Variants in DENND5B observed in about 807,000 individuals in gnomAD.
The protein encoded by DENND5B is DENN domain-containing protein 5B.
Under a neutral mutation model 140.6 loss-of-function variants are expected in DENND5B, and 34 were observed. The observed-to-expected ratio is 0.24, with a 90% confidence interval of 0.18 to 0.32. The LOEUF (loss-of-function observed/expected upper bound fraction) is 0.32, where lower values mean the gene tolerates loss of function less well. Among genes scored for constraint, DENND5B ranks in the 10% least tolerant of loss-of-function variants. DENND5B has a pLI of 1.00. For synonymous variants in DENND5B, 551 were observed against 562.1 expected (o/e 0.98, Z 0.28); for missense variants, 1,142 against 1,560.2 (o/e 0.73, Z 4.52).
chr12:31,521,199 T>C (rs751314261), intron 1 of DENND5B, among the ~76,000 whole-genome samples: 3 of 151,332 alleles, frequency 2.0e-5, no homozygotes, highest in East Asian at 1.9e-4. Flanking sequence ...TCAAAAACAA[T>C]AGAAAAGGTT....
chr12:31,448,291 C>T (rs890317510), intron 5 of DENND5B, among the ~76,000 whole-genome samples: 16 of 152,124 alleles, frequency 1.1e-4, no homozygotes, highest in African/African-American at 2.2e-4. Flanking sequence ...CCTGCCACCA[C>T]GCCCGGCTAA....
At chr12:31,396,995 AAGGCAATATTTAC>A (rs1941510471) in intron 17 of DENND5B, among the ~76,000 whole-genome samples, 1 of 152,184 alleles carries the variant, frequency 6.6e-6, no homozygotes. Context: ...TTTTCCAAAT[AAGGCAATATTTAC>A]AGATTCTAGA....
At chr12:31,415,687 G>C (rs1268727629) in intron 11 of DENND5B, among the ~76,000 whole-genome samples, 1 of 152,042 alleles carries the variant, frequency 6.6e-6, no homozygotes, top group Non-Finnish European at 1.5e-5. Context: ...GGGCTCAAGC[G>C]ATCCTCCCAA....
At chr12:31,549,993 G>A (rs1234708424) in intron 1 of DENND5B, among the ~76,000 whole-genome samples, 3 of 151,580 alleles carry the variant, frequency 2.0e-5, no homozygotes, top group Non-Finnish European at 2.9e-5. Flanking sequence ...GGGATTGTTG[G>A]GTCAAATGGT....
intron 1 of DENND5B, among the ~76,000 whole-genome samples, chr12:31,549,763 T>C (rs559001850): frequency 6.6e-6 from 1 of 152,280 alleles, no homozygotes; most frequent in South Asian, 2.1e-4. Flanking sequence ...GTGTTCTCAC[T>C]ATTCACCTCC....
At chr12:31,406,963 T>A (rs1009348427) in intron 14 of DENND5B, among the ~76,000 whole-genome samples, 2 of 150,426 alleles carry the variant, frequency 1.3e-5, no homozygotes, top group African/African-American at 4.9e-5. Context: ...CACGTCCGGC[T>A]AATTTTTGTA....
At chr12:31,427,445 A>C (rs763002354) in intron 8 of DENND5B, among the ~76,000 whole-genome samples, 25 of 152,018 alleles carry the variant, frequency 1.6e-4, no homozygotes, top group Non-Finnish European at 2.8e-4. Context: ...ATCTCTACTA[A>C]AAATACAAAA....
chr12:31,508,817 C>T (rs1171252150), intron 1 of DENND5B, among the ~76,000 whole-genome samples: 4 of 152,138 alleles, frequency 2.6e-5, no homozygotes, highest in Non-Finnish European at 4.4e-5. Flanking sequence ...AATCACACAT[C>T]ACATATATCA....
intron 1 of DENND5B, among the ~76,000 whole-genome samples, chr12:31,561,671 T>C (rs191483947): frequency 5.3e-5 from 8 of 152,256 alleles, no homozygotes; most frequent in Non-Finnish European, 7.4e-5. Context: ...AAGTGACAAA[T>C]AGAAAACATT....
At chr12:31,399,467 TG>T (rs1408869138) in intron 16 of DENND5B, among the ~76,000 whole-genome samples, 186 bp downstream of exon 16, 1 of 151,738 alleles carries the variant, frequency 6.6e-6, no homozygotes, top group Non-Finnish European at 1.5e-5. Flanking sequence ...TTAGTAGAGA[TG>T]GGGTTTCACC....
At chr12:31,439,704 C>T (rs569063282) in intron 7 of DENND5B, among the ~76,000 whole-genome samples, 14 of 151,920 alleles carry the variant, frequency 9.2e-5, no homozygotes, top group Non-Finnish European at 1.3e-4. Context: ...CCGAGGTGGG[C>T]GGATAACCTG....
At chr12:31,492,414 G>A (rs1434521254) in intron 2 of DENND5B, among the ~76,000 whole-genome samples, 4 of 152,114 alleles carry the variant, frequency 2.6e-5, no homozygotes, top group African/African-American at 4.8e-5. Context: ...TAGTAAGAAC[G>A]TACTTGTACC....
In DENND5B at chr12:31,552,326, T is replaced by G. The variant is rs552030388; in HGVS notation, c.127+38380A>C. ...TTCTGCATCTATTGAGATAATCATG[T>G]GGTTTTTGTCTTTGGTTCTGTTTAT... is the stretch of plus-strand genomic sequence containing the variant. On this transcript the variant is annotated intron_variant, in intron 1 of 20. Coordinates refer to ENST00000389082, the MANE Select transcript of DENND5B (RefSeq NM_144973.4). Among the ~76,000 whole-genome samples the G allele has an allele frequency of 1.4e-4, 22 of 152,322 alleles. No homozygotes were observed. The South Asian group carries it at 3.9e-3, about 27-fold the overall frequency.
At chr12:31,538,084 G>A (rs929192872) in intron 1 of DENND5B, among the ~76,000 whole-genome samples, 21 of 152,112 alleles carry the variant, frequency 1.4e-4, no homozygotes, top group Admixed American at 3.3e-4. Context: ...CATTTTCAGC[G>A]TTGGACAGAT....
rs895177703 is a variant in DENND5B, at chr12:31,419,317, C to T, written c.2471-3869G>A. On this transcript the variant is annotated intron_variant, in intron 11 of 20. Coordinates refer to ENST00000389082, the MANE Select transcript of DENND5B (RefSeq NM_144973.4). ...CTACAAAAATAGCCAGATGTGGTGGCGCATGCCTGTAATTCCAGTTACTTG... is the reference window on the plus strand; with the variant it reads ...CTACAAAAATAGCCAGATGTGGTGGTGCATGCCTGTAATTCCAGTTACTTG... Among the ~76,000 whole-genome samples the T allele has an allele frequency of 2.0e-5, 3 of 152,108 alleles. No individual in the cohort carries two copies. In the East Asian group the frequency reaches 5.8e-4, roughly 29 times the overall value.
intron 1 of DENND5B, among the ~76,000 whole-genome samples, chr12:31,564,547 CCT>C (rs1357716740): frequency 6.1e-5 from 9 of 146,872 alleles, no homozygotes; most frequent in African/African-American, 7.5e-5. Flanking sequence ...CACTACCACC[CCT>C]CTCTTTTCAT....
intron 1 of DENND5B, among the ~76,000 whole-genome samples, chr12:31,537,883 G>C (rs1948556365): frequency 6.6e-6 from 1 of 152,072 alleles, no homozygotes; most frequent in Admixed American, 6.6e-5. Flanking sequence ...TATAAGAAGA[G>C]ACAAAGAAGG....
intron 4 of DENND5B, among the ~76,000 whole-genome samples, chr12:31,455,789 A>AG (rs1427911883): frequency 6.6e-6 from 1 of 152,136 alleles, no homozygotes; most frequent in East Asian, 1.9e-4. Flanking sequence ...TGGGAGGCCA[A>AG]GGTGGGCAAA....
intron 4 of DENND5B, among the ~76,000 whole-genome samples, chr12:31,453,212 C>T (rs1944619198): frequency 6.6e-6 from 1 of 152,110 alleles, no homozygotes; most frequent in South Asian, 2.1e-4. Context: ...GTGGTAGAGG[C>T]AAGTGCATAT....
Sources: allele counts gnomAD v4.1 joint callset (sites outside exome capture counted in the v4.1 genomes callset), GRCh38; gene constraint gnomAD v4.1.1; transcripts MANE v1.5; gene names NCBI Gene and HGNC (gene_info 2026-07-23, HGNC 2026-07-21).